KIF24: variants seen among roughly 807,000 people sequenced by gnomAD.
KIF24 encodes the protein kinesin-like protein KIF24.
Under a neutral mutation model 118.9 loss-of-function variants are expected in KIF24, and 81 were observed. The ratio of observed to expected loss-of-function variants is 0.68; its 90% CI spans 0.57 to 0.82. The LOEUF (loss-of-function observed/expected upper bound fraction) is 0.82. Among genes scored for constraint, KIF24 ranks in the 40% least tolerant of loss-of-function variants. The pLI, the probability that KIF24 is intolerant of heterozygous loss-of-function variation, is 0.00. For synonymous variants in KIF24, 599 were observed against 610.0 expected, an observed-to-expected ratio of 0.98 and a Z score of 0.27; for missense variants, 1,560 against 1,661.6, an observed-to-expected ratio of 0.94 and a Z score of 1.06.
chr9:34,297,328 G>A (rs1199800162), intron 3 of KIF24, among the ~76,000 whole-genome samples: 1 of 152,076 alleles, frequency 6.6e-6, no homozygotes, highest in Admixed American at 6.6e-5. Context: ...AAAAACTAAG[G>A]CATACATTTT....
intron 5 of KIF24, among the ~76,000 whole-genome samples, chr9:34,289,442 C>T (rs534200777): frequency 4.6e-5 from 7 of 152,286 alleles, no homozygotes; most frequent in African/African-American, 1.4e-4. Flanking sequence ...GGCTCAGCCT[C>T]AATTCACTCC....
In KIF24 at chr9:34,318,591, C is replaced by A. The variant is rs997308704; in HGVS notation, c.-25-7220G>T. 2.2e-6 allele frequency: 3 copies of A among 1,378,694 alleles called. No homozygotes were observed. The highest frequency in any genetic ancestry group is 2.4e-5 in the South Asian group (2 of 83,980). 85.4% of individuals were successfully genotyped at this position (1,378,694 alleles called of 1,614,324 possible). On this transcript the variant is annotated intron_variant, in intron 1 of 12. Transcript: ENST00000402558. The surrounding 1 kb of genome is among the most constrained non-coding windows in gnomAD (Gnocchi z 4.9). ...TACCAGGCCATGGCCAAGGACCAGG[C>A]GGTGGAGAACATCCTGGTGTCGCCC...
chr9:34,279,291 A>C (rs572880908), intron 6 of KIF24, among the ~76,000 whole-genome samples: 7 of 152,324 alleles, frequency 4.6e-5, no homozygotes, highest in African/African-American at 1.4e-4. Flanking sequence ...CAGAGAGATA[A>C]AGGATGTGCT....
chr9:34,276,490 G>A (rs1346140459), intron 6 of KIF24, among the ~76,000 whole-genome samples: 1 of 150,544 alleles, frequency 6.6e-6, no homozygotes, highest in African/African-American at 2.4e-5. Flanking sequence ...ATTGAACATA[G>A]TCACAGTTTC....
intron 7 of KIF24, among the ~76,000 whole-genome samples, chr9:34,270,915 T>C (rs200870547): frequency 1.3e-5 from 2 of 148,350 alleles, no homozygotes; most frequent in African/African-American, 2.5e-5. Flanking sequence ...CAGATCTCCC[T>C]CACATCCACC....
At chr9:34,321,393 G>A (rs889853222) in intron 1 of KIF24, among the ~76,000 whole-genome samples, 2 of 151,676 alleles carry the variant, frequency 1.3e-5, no homozygotes, top group African/African-American at 4.8e-5. Flanking sequence ...ATGAGTCTCT[G>A]CTTCTTCAAG....
intron 4 of KIF24, among the ~76,000 whole-genome samples, chr9:34,290,749 G>A (rs185576343): frequency 2.0e-5 from 3 of 151,928 alleles, no homozygotes; most frequent in East Asian, 1.9e-4. Flanking sequence ...ACAGGTGTGC[G>A]CCACCATACC....
chr9:34,308,287 CTT>C (rs35870541), intron 2 of KIF24, among the ~76,000 whole-genome samples: 11 of 142,238 alleles, frequency 7.7e-5, no homozygotes, highest in East Asian at 2.1e-4. Flanking sequence ...ATTTTTAATG[CTT>C]TTTTTTTTTT....
At chr9:34,270,737 T>G (rs951250538) in intron 7 of KIF24, among the ~76,000 whole-genome samples, 1 of 150,896 alleles carries the variant, frequency 6.6e-6, no homozygotes, top group African/African-American at 2.4e-5. Flanking sequence ...AGATTACAGA[T>G]GTCAGCCACC....
chr9:34,301,569 C>T (rs1003530984), intron 3 of KIF24, among the ~76,000 whole-genome samples: 1 of 152,068 alleles, frequency 6.6e-6, no homozygotes, highest in African/African-American at 2.4e-5. Flanking sequence ...ACATGTGGGC[C>T]AGGCACTTGT....
chr9:34,316,933 G>A (rs767920526), intron 1 of KIF24, among the ~76,000 whole-genome samples: 1 of 152,030 alleles, frequency 6.6e-6, no homozygotes, highest in Non-Finnish European at 1.5e-5. Flanking sequence ...TTGGCCGGGC[G>A]GCTGAGCACG....
chr9:34,302,528 C>T (rs1298362498), intron 3 of KIF24, among the ~76,000 whole-genome samples: 3 of 151,146 alleles, frequency 2.0e-5, no homozygotes, highest in African/African-American at 7.3e-5. Context: ...TGCAGTGGCG[C>T]AATCTCAGCT....
chr9:34,324,865 T>C (rs1563967594), intron 1 of KIF24, among the ~76,000 whole-genome samples: 1 of 152,180 alleles, frequency 6.6e-6, no homozygotes, highest in African/African-American at 2.4e-5. Context: ...TCTTACTGAT[T>C]ATAACAACAA....
At chr9:34,331,416 T>C (rs1223441887), upstream of KIF24, among the ~76,000 whole-genome samples, 1 of 152,226 alleles carries the variant, frequency 6.6e-6, no homozygotes, top group Non-Finnish European at 1.5e-5. Context: ...AAGTTAAGTA[T>C]CTTGCTCTAA....
At chr9:34,260,781 G>A (rs1034563972) in intron 9 of KIF24, among the ~76,000 whole-genome samples, 1 of 152,052 alleles carries the variant, frequency 6.6e-6, no homozygotes, top group Non-Finnish European at 1.5e-5. Context: ...AACCAGCCTC[G>A]CTAACATGGC....
chr9:34,329,653 C>T (rs919393792), upstream of KIF24: 2 of 152,374 alleles, frequency 1.3e-5, no homozygotes, highest in African/African-American at 4.8e-5. Flanking sequence ...GGAAATGAGC[C>T]TTGGAGCGAT....
chr9:34,299,134 T>C (rs1028406273), intron 3 of KIF24, among the ~76,000 whole-genome samples: 2 of 151,960 alleles, frequency 1.3e-5, no homozygotes, highest in South Asian at 2.1e-4. Context: ...TATATTCTTA[T>C]ATACATATAG....
At chr9:34,268,162 T>A (rs1330329052) in intron 8 of KIF24, among the ~76,000 whole-genome samples, 3 of 152,286 alleles carry the variant, frequency 2.0e-5, no homozygotes, top group Admixed American at 6.5e-5. Flanking sequence ...GAGATACATT[T>A]AAAAAAATTT....
chr9:34,277,403 T>C (rs1835697068), intron 6 of KIF24, among the ~76,000 whole-genome samples: 1 of 152,194 alleles, frequency 6.6e-6, no homozygotes, highest in South Asian at 2.1e-4. Context: ...TGAGTAATGA[T>C]GTTACTAATG....
Sources: gnomAD v4.1 joint callset for allele counts (sites outside exome capture counted in the v4.1 genomes callset) on GRCh38, gnomAD v4.1.1 for gene constraint, Gnocchi (gnomAD v3.1) non-coding constraint, MANE v1.5 for transcripts, NCBI Gene and HGNC (gene_info 2026-07-23, HGNC 2026-07-21) for gene names.